SNTA1: variants seen among roughly 807,000 people sequenced by gnomAD.
SNTA1 encodes syntrophin alpha 1.
A neutral mutation model predicts 47.1 loss-of-function variants in SNTA1; 31 were observed. The observed-to-expected ratio is 0.66, with a 90% CI of 0.49 to 0.89. The LOEUF (loss-of-function observed/expected upper bound fraction) is 0.89, where lower values mean the gene tolerates loss of function less well. Among genes scored for constraint, SNTA1 ranks in the 40% least tolerant of loss-of-function variants. The pLI is 0.00. For missense variants in SNTA1, 575 were observed against 693.0 expected (o/e 0.83, Z 1.91); for synonymous variants, 300 against 313.6 (o/e 0.96, Z 0.46).
chr20:33,415,322 T>C (rs1173863809), intron 3 of SNTA1, among the ~76,000 whole-genome samples: 1 of 152,044 alleles, frequency 6.6e-6, no homozygotes, highest in African/African-American at 2.4e-5. Context: ...GTTCTATGAG[T>C]CTCTAGAAGG....
At chr20:33,431,684 G>T (rs755533909) in intron 2 of SNTA1, among the ~76,000 whole-genome samples, 26 of 152,136 alleles carry the variant, frequency 1.7e-4, no homozygotes, top group Non-Finnish European at 3.5e-4. Context: ...GGGAGGTGGA[G>T]GTTGCAGTGA....
At chr20:33,430,287 C>CTTTTTTTTT (rs951409757) in intron 2 of SNTA1, among the ~76,000 whole-genome samples, 18 of 131,492 alleles carry the variant, frequency 1.4e-4, no homozygotes, top group Admixed American at 2.5e-4. Flanking sequence ...TTACTTTTTT[C>CTTTTTTTTT]TTTTTTTTTT....
rs941857463 is a variant in SNTA1 at position 33,429,366 on chromosome 20, A to T, written c.496+9475T>A. ...AAAAAAAAAAAAAAAAAAAAAAAAA[A>T]TTGGGTCAGGCATAGTGGCTCATGC... On this transcript the variant is annotated intron_variant, in intron 2 of 7. Transcript: ENST00000217381. Among the ~76,000 whole-genome samples the T allele has an allele frequency of 0.012, 1,277 of 107,476 alleles. 67 individuals are homozygous for T. The East Asian group carries it at 0.19, about 16-fold the overall frequency. The allele number at this position is 107,476 out of a possible 152,430, so 70.5% of individuals were successfully genotyped here.
intron 3 of SNTA1, among the ~76,000 whole-genome samples, chr20:33,413,623 G>A (rs1334742842): frequency 2.7e-5 from 4 of 149,114 alleles, no homozygotes; most frequent in Non-Finnish European, 3.0e-5. Context: ...AATAAGAGCA[G>A]GGGAAAAAAA....
At chr20:33,435,509 C>G (rs555510172) in intron 2 of SNTA1, among the ~76,000 whole-genome samples, 1 of 152,092 alleles carries the variant, frequency 6.6e-6, no homozygotes, top group Non-Finnish European at 1.5e-5. Context: ...CAGAGAATCG[C>G]TTGAACCTGG....
chr20:33,408,945 A>G (rs947974332), intron 6 of SNTA1, 57 bp from the exon 7 acceptor site: 7 of 1,474,746 alleles, frequency 4.7e-6, no homozygotes, highest in Middle Eastern at 2.3e-4. Flanking sequence ...CTACACCCCA[A>G]CCTCCAACCC....
At chr20:33,422,821 G>A (rs1424693011) in intron 2 of SNTA1, among the ~76,000 whole-genome samples, 1 of 152,114 alleles carries the variant, frequency 6.6e-6, no homozygotes, top group Admixed American at 6.6e-5. Context: ...TGAATGCCAG[G>A]GCAGGACAGG....
chr20:33,441,058 C>G (rs1212234731), intron 1 of SNTA1, among the ~76,000 whole-genome samples: 1 of 152,206 alleles, frequency 6.6e-6, no homozygotes, highest in Admixed American at 6.6e-5. Context: ...TATTACCAAA[C>G]TCTTAAATGC....
chr20:33,441,068 C>T (rs1300214080), intron 1 of SNTA1, among the ~76,000 whole-genome samples: 1 of 152,152 alleles, frequency 6.6e-6, no homozygotes, highest in East Asian at 1.9e-4. Context: ...CTCTTAAATG[C>T]CCTTTTAAAA....
chr20:33,431,986 A>T (rs1315863770), intron 2 of SNTA1, among the ~76,000 whole-genome samples: 2 of 152,170 alleles, frequency 1.3e-5, no homozygotes, highest in Admixed American at 6.6e-5. Context: ...GATTAAGCCA[A>T]GTTTTGTTTG....
intron 3 of SNTA1, among the ~76,000 whole-genome samples, chr20:33,414,257 A>C (rs1238324781): frequency 2.9e-5 from 4 of 136,786 alleles, no homozygotes; most frequent in South Asian, 2.2e-4. Flanking sequence ...AAAAAAAAAA[A>C]AAAAAAAAAA....
intron 2 of SNTA1, among the ~76,000 whole-genome samples, chr20:33,434,920 A>G (rs1314480947): frequency 6.6e-6 from 1 of 150,980 alleles, no homozygotes; most frequent in Non-Finnish European, 1.5e-5. Context: ...CCTAGAAGGC[A>G]AGGGTCTTAC....
Position 33,408,164 on chromosome 20 carries a change from C to G in SNTA1, c.*343G>C. ...ACCTCTGGGGGTGGCTTAGGGGCCTCGAGGAGGCCCGGCAGCTCAGCTGTT... is the reference window on the plus strand; with the variant it reads ...ACCTCTGGGGGTGGCTTAGGGGCCTGGAGGAGGCCCGGCAGCTCAGCTGTT... On this transcript the variant is annotated 3_prime_UTR_variant, in exon 8 of 8. Coordinates refer to ENST00000217381, the MANE Select transcript of SNTA1 (RefSeq NM_003098.3). 5.4e-6 allele frequency: 2 copies of G among 367,134 alleles called. No individual in the cohort carries two copies. Among genetic ancestry groups the G allele is most frequent in the South Asian group, 5.1e-5 (2 of 39,450 alleles). The allele number at this position is 367,134 out of a possible 1,614,324, so 22.7% of individuals were successfully genotyped here.
At chr20:33,436,634 G>A (rs1439843907) in intron 2 of SNTA1, among the ~76,000 whole-genome samples, 1 of 152,002 alleles carries the variant, frequency 6.6e-6, no homozygotes, top group African/African-American at 2.4e-5. Flanking sequence ...CCAGGAGTTG[G>A]AGACCAGCCC....
chr20:33,408,574 T>G lies in SNTA1; in HGVS notation c.1451A>C (p.Lys484Thr). 6.2e-7 allele frequency: 1 copy of G among 1,614,070 alleles called. No homozygotes were observed. The highest frequency in any genetic ancestry group is 8.5e-7 in the Non-Finnish European group (1 of 1,179,980). The change falls in exon 8 of 8, where the codon AAA (lysine) becomes ACA (threonine). Residue 484 changes from lysine to threonine, a missense_variant. Lys to Thr is a moderately conservative substitution (Grantham distance 78). Transcript: ENST00000217381. ...GGAGTGGATGATGAAGACTATGGTT[T>G]TGGGACACGAGTGCAGGTCCAGCTG... ...EIQLDLHSCPKTIVFIIHSFL... is the reference protein window; with the variant it reads ...EIQLDLHSCPTTIVFIIHSFL...
At chr20:33,440,574 A>T (rs1990554112) in intron 1 of SNTA1, among the ~76,000 whole-genome samples, 1 of 152,232 alleles carries the variant, frequency 6.6e-6, no homozygotes, top group African/African-American at 2.4e-5. Context: ...TGAACCCAGG[A>T]GGTGGAGGTT....
At chr20:33,428,029 A>T (rs781555033) in intron 2 of SNTA1, among the ~76,000 whole-genome samples, 8 of 151,920 alleles carry the variant, frequency 5.3e-5, no homozygotes, top group Non-Finnish European at 1.0e-4. Context: ...GCCTCAAACA[A>T]TCCTCCAACC....
chr20:33,412,045 G>T (rs964246080), intron 5 of SNTA1, among the ~76,000 whole-genome samples: 1 of 152,218 alleles, frequency 6.6e-6, no homozygotes, highest in African/African-American at 2.4e-5. Flanking sequence ...TCAGCTCTGT[G>T]CCCTCTGAAC....
At chr20:33,431,514 G>A (rs1285479942) in intron 2 of SNTA1, among the ~76,000 whole-genome samples, 6 of 152,098 alleles carry the variant, frequency 3.9e-5, no homozygotes, top group Admixed American at 1.3e-4. Context: ...TTGGGAGGCC[G>A]AGGCGGGTGG....
Sources: allele counts gnomAD v4.1 joint callset (sites outside exome capture counted in the v4.1 genomes callset), GRCh38; gene constraint gnomAD v4.1.1; transcripts MANE v1.5; gene names NCBI Gene and HGNC (gene_info 2026-07-23, HGNC 2026-07-21).